ZNF362: variants seen among roughly 807,000 people sequenced by gnomAD.
The protein encoded by ZNF362 is rotund homolog.
Under a neutral mutation model 42.9 loss-of-function variants are expected in ZNF362, and 11 were observed. The ratio of observed to expected loss-of-function variants is 0.26; its 90% CI spans 0.16 to 0.42. ZNF362 has a LOEUF of 0.42. Ranked by LOEUF, ZNF362 falls within the 20% of genes least tolerant of loss-of-function variation. The pLI is 1.00. For missense variants in ZNF362, 362 were observed against 576.2 expected (o/e 0.63, Z 3.81); for synonymous variants, 255 against 257.3 (o/e 0.99, Z 0.09).
intron 4 of ZNF362, 93 bp downstream of exon 4, chr1:33,276,687 A>T (rs1570395612): frequency 1.6e-6 from 2 of 1,265,826 alleles, no homozygotes; most frequent in East Asian, 7.2e-5. Flanking sequence ...GGACCCGGCT[A>T]GGTAAGAGCA....
the ZNF362 span, among the ~76,000 whole-genome samples, chr1:33,210,009 T>C: frequency 6.6e-6 from 1 of 152,302 alleles, no homozygotes; most frequent in African/African-American, 2.4e-5. Flanking sequence ...GTTGTTTTAA[T>C]TGTGATGTTA....
At chr1:33,233,767 C>T in the ZNF362 span, among the ~76,000 whole-genome samples, 2 of 152,144 alleles carry the variant, frequency 1.3e-5, no homozygotes, top group African/African-American at 4.8e-5. Flanking sequence ...CTTTGTGCCT[C>T]TGGAGCCTGG....
At chr1:33,298,501 G>A (rs754146704) in intron 8 of ZNF362, among the ~76,000 whole-genome samples, 23 of 152,202 alleles carry the variant, frequency 1.5e-4, no homozygotes, top group Non-Finnish European at 2.9e-4. Flanking sequence ...GGCTCAGAGA[G>A]ACAAGATGAC....
chr1:33,243,351 AT>A, the ZNF362 span, among the ~76,000 whole-genome samples: 612 of 140,396 alleles, frequency 4.4e-3, 1 homozygote, highest in South Asian at 4.7e-3. Context: ...TAATTTTTGT[AT>A]TTTTTTTTTT....
upstream of ZNF362, among the ~76,000 whole-genome samples, chr1:33,253,989 ATACCT>A (rs1645772815): frequency 6.6e-6 from 1 of 152,194 alleles, no homozygotes. Flanking sequence ...CCTATGAGTA[ATACCT>A]TATGTTACTA....
chr1:33,148,634 C>T, the ZNF362 span, among the ~76,000 whole-genome samples: 1 of 152,160 alleles, frequency 6.6e-6, no homozygotes, highest in African/African-American at 2.4e-5. Context: ...TAATAATTTC[C>T]TTCTATTTTC....
At chr1:33,246,890 G>T in the ZNF362 span, among the ~76,000 whole-genome samples, 1 of 152,226 alleles carries the variant, frequency 6.6e-6, no homozygotes, top group South Asian at 2.1e-4. Flanking sequence ...ACCAGTGAGG[G>T]TAGATGCCTG....
At chr1:33,181,031 C>T in the ZNF362 span, 1 of 1,542,270 alleles carries the variant, frequency 6.5e-7, no homozygotes, top group South Asian at 1.1e-5. The surrounding 1 kb of genome is among the most constrained non-coding windows in gnomAD (Gnocchi z 6.5). Flanking sequence ...GCACCTGCAG[C>T]TCGTCGAAGG....
At chr1:33,241,314 G>T in the ZNF362 span, among the ~76,000 whole-genome samples, 70 of 152,146 alleles carry the variant, frequency 4.6e-4, no homozygotes, top group Non-Finnish European at 9.3e-4. Context: ...GGCCAACATG[G>T]CAAAACCCCA....
At chr1:33,261,455 G>C (rs72656293) in intron 1 of ZNF362, 2 of 152,134 alleles carry the variant, frequency 1.3e-5, no homozygotes, top group African/African-American at 2.4e-5. Context: ...TTCCCACTGG[G>C]TTGTGGGAAG....
chr1:33,269,232 G>A (rs551664184), intron 1 of ZNF362, among the ~76,000 whole-genome samples: 4 of 152,192 alleles, frequency 2.6e-5, no homozygotes, highest in Middle Eastern at 3.4e-3. Context: ...TCTGTTCCCC[G>A]CACTGGGCTA....
the ZNF362 span, among the ~76,000 whole-genome samples, chr1:33,218,203 G>T: frequency 9.6e-3 from 1,456 of 152,278 alleles, 25 homozygotes; most frequent in African/African-American, 0.033. Flanking sequence ...CACTTTGGAA[G>T]GCCAAGGTGG....
chr1:33,139,209 A>G, the ZNF362 span, among the ~76,000 whole-genome samples: 1 of 152,004 alleles, frequency 6.6e-6, no homozygotes, highest in African/African-American at 2.4e-5. Context: ...TGTCGGGGGA[A>G]TGATCAGTGA....
Position 33,266,267 on chromosome 1 carries a change from T to C in ZNF362, c.-88-4220T>C, listed in dbSNP as rs1037417898. 6.6e-6 allele frequency among the ~76,000 whole-genome samples: 1 copy of C among 152,204 alleles called. No individual in the cohort carries two copies. The highest frequency in any genetic ancestry group is 1.5e-5 in the Non-Finnish European group (1 of 68,046). On this transcript the variant is annotated intron_variant, in intron 1 of 8. Transcript: ENST00000539719. The surrounding 1 kb of genome is among the most constrained non-coding windows in gnomAD (Gnocchi z 4.3). ...GCTCTCCTGGCAAACTCGTCTGTCT[T>C]CACGGCTCACATGGAAAGACCCCTC... is the stretch of plus-strand genomic sequence containing the variant.
At chr1:33,138,642 AAAAG>A in the ZNF362 span, among the ~76,000 whole-genome samples, 2 of 145,980 alleles carry the variant, frequency 1.4e-5, no homozygotes, top group African/African-American at 4.9e-5. Flanking sequence ...AAAAAAAAAA[AAAAG>A]AAAAGGAAAG....
the ZNF362 span, among the ~76,000 whole-genome samples, chr1:33,159,334 A>G: frequency 1.3e-5 from 2 of 152,094 alleles, no homozygotes; most frequent in African/African-American, 2.4e-5. The surrounding 1 kb of genome is among the most constrained non-coding windows in gnomAD (Gnocchi z 4.2). Flanking sequence ...TACTATCTAT[A>G]ATGTATACAG....
At chr1:33,181,699 T>G in the ZNF362 span, 1 of 505,748 alleles carries the variant, frequency 2.0e-6, no homozygotes, top group Non-Finnish European at 3.4e-6. The surrounding 1 kb of genome is among the most constrained non-coding windows in gnomAD (Gnocchi z 6.5). Context: ...GGGAGGAGGC[T>G]GTGAGCGGCT....
the ZNF362 span, chr1:33,181,549 G>T: frequency 1.4e-6 from 2 of 1,425,560 alleles, no homozygotes; most frequent in East Asian, 2.7e-5. This position sits in a 1 kb window ranked among gnomAD's most constrained non-coding sequence, Gnocchi z 6.5. Flanking sequence ...CACAGGCAGG[G>T]GTAGGAGCTA....
At chr1:33,262,045 T>A (rs940756241) in intron 1 of ZNF362, among the ~76,000 whole-genome samples, 2 of 152,126 alleles carry the variant, frequency 1.3e-5, no homozygotes, top group African/African-American at 2.4e-5. Context: ...TGGTTGGGGC[T>A]ATGGTGATGG....
Sources: allele counts gnomAD v4.1 joint callset (sites outside exome capture counted in the v4.1 genomes callset), GRCh38; gene constraint gnomAD v4.1.1; non-coding constraint Gnocchi (gnomAD v3.1); transcripts MANE v1.5; gene names NCBI Gene and HGNC (gene_info 2026-07-23, HGNC 2026-07-21).